Variants in IQCH observed in about 807,000 individuals in gnomAD.
IQCH encodes the protein IQ domain-containing protein H.
In IQCH, 98 loss-of-function variants were observed where a neutral mutation model predicts 117.0. The ratio of observed to expected loss-of-function variants is 0.84; its 90% CI spans 0.71 to 0.99. The LOEUF (loss-of-function observed/expected upper bound fraction) is 0.99. Ranked by LOEUF, IQCH falls within the 50% of genes least tolerant of loss-of-function variation. The probability of loss-of-function intolerance (pLI) is 0.00; values close to 1 mark genes in which losing one functional copy is unlikely to be tolerated. For synonymous variants in IQCH, 412 were observed against 448.2 expected, an observed-to-expected ratio of 0.92 and a Z score of 1.02; for missense variants, 1,102 against 1,243.8, an observed-to-expected ratio of 0.89 and a Z score of 1.72.
intron 17 of IQCH, among the ~76,000 whole-genome samples, chr15:67,468,020 T>C (rs1279701988): frequency 6.6e-6 from 1 of 152,154 alleles, no homozygotes; most frequent in Non-Finnish European, 1.5e-5. Flanking sequence ...TTCACTGACC[T>C]CCACAAAGAA....
intron 4 of IQCH, among the ~76,000 whole-genome samples, chr15:67,280,539 A>G (rs1966310476): frequency 6.6e-6 from 1 of 152,204 alleles, no homozygotes; most frequent in Non-Finnish European, 1.5e-5. Flanking sequence ...AGAGACAGAG[A>G]GAAAACCAGC....
chr15:67,322,632 T>C (rs1968191553), intron 4 of IQCH, among the ~76,000 whole-genome samples: 1 of 152,160 alleles, frequency 6.6e-6, no homozygotes, highest in Non-Finnish European at 1.5e-5. Context: ...TCAGCCCGCC[T>C]AGGTTACATA....
At position 67,475,746 on chromosome 15, in the gene IQCH, C is replaced by G. The variant is rs142631355; in HGVS notation, c.2727C>G (p.Ser909Arg). The G allele has an allele frequency of 6.2e-5, 100 of 1,614,056 alleles. 1 individual carries two copies. In the African/African-American group the frequency reaches 1.2e-3, roughly 20 times the overall value. Residue 909 changes from serine to arginine, a missense_variant, in exon 18 of 21, where the codon AGC becomes AGG. Ser to Arg is a moderately radical substitution (Grantham distance 110). This residue lies in a region of IQCH where 650 missense variants were observed against 794.3 expected (regional missense o/e 0.82). Transcript: ENST00000335894. This position sits in a 1 kb window ranked among gnomAD's most constrained non-coding sequence, Gnocchi z 5.7. ...TGATGACCACCCAGCTAAGACACAG[C>G]AATCTCTCACTGGTTTTCCACTATG... is the stretch of plus-strand genomic sequence containing the variant. ...YAVMTTQLRHSNLSLVFHYVF... is the reference protein window; with the variant it reads ...YAVMTTQLRHRNLSLVFHYVF...
chr15:67,474,335 C>T lies in IQCH; in HGVS notation c.2677-1361C>T, dbSNP rs1453806424. 6.6e-6 allele frequency among the ~76,000 whole-genome samples: 1 copy of T among 152,098 alleles called. No individual in the cohort carries two copies. The highest frequency in any genetic ancestry group is 2.4e-5 in the African/African-American group (1 of 41,422). ...AGTCTGGGTACCTAGTTGCCCAGCACCTGTGCGTCACCACAGTTCAAGAGC... is the reference window on the plus strand; with the variant it reads ...AGTCTGGGTACCTAGTTGCCCAGCATCTGTGCGTCACCACAGTTCAAGAGC... On this transcript the variant is annotated intron_variant, in intron 17 of 20. Coordinates refer to ENST00000335894, the MANE Select transcript of IQCH (RefSeq NM_001031715.3). The surrounding 1 kb of genome is among the most constrained non-coding windows in gnomAD (Gnocchi z 4.1).
At chr15:67,402,870 G>C (rs1971721047) in intron 14 of IQCH, among the ~76,000 whole-genome samples, 1 of 152,212 alleles carries the variant, frequency 6.6e-6, no homozygotes, top group Non-Finnish European at 1.5e-5. Flanking sequence ...ATGGGAGCTT[G>C]AACTCTTGAG....
intron 4 of IQCH, among the ~76,000 whole-genome samples, chr15:67,329,243 G>A (rs1968550528): frequency 6.6e-6 from 1 of 150,848 alleles, no homozygotes. Flanking sequence ...AGGCTGTAGT[G>A]AGCTGTGATT....
Position 67,500,719 on chromosome 15 carries a change from TA to T in IQCH, c.3062del (p.Asn1021ThrfsTer31). 6.3e-7 allele frequency: 1 copy of T among 1,593,596 alleles called. No individual in the cohort carries two copies. Among genetic ancestry groups the T allele is most frequent in the South Asian group, 1.1e-5 (1 of 89,756 alleles). ...AAGAGGAGCAACAGTCCAAAGATGA[TA>T]AAAACCTCTCTAAACCCAAGAAATG... is the stretch of plus-strand genomic sequence containing the variant. Reference protein sequence around the residue: ...FEEEQQSKDDKNLSKPKK With the variant: ...FEEEQQSKDDXNLSKPKK On this transcript the variant is annotated frameshift_variant, in exon 21 of 21. Coordinates refer to ENST00000335894, the MANE Select transcript of IQCH (RefSeq NM_001031715.3). LOFTEE classifies it low-confidence loss of function (END_TRUNC). The surrounding 1 kb of genome is among the most constrained non-coding windows in gnomAD (Gnocchi z 4.4).
chr15:67,471,066 A>G (rs1255256363), intron 17 of IQCH, among the ~76,000 whole-genome samples: 2 of 152,064 alleles, frequency 1.3e-5, no homozygotes, highest in Non-Finnish European at 2.9e-5. Context: ...GCAACATGTT[A>G]TTTCATTGCA....
rs1035804772 is a variant in IQCH at position 67,426,982 on chromosome 15, CAAA to C, written c.2505+5415_2505+5417del. ...GCCTGGGCAACAGAGACCCAGTATC[CAAA>C]AAAAAAAAAGAAGAAGAAAATCCCA... On this transcript the variant is annotated intron_variant, in intron 16 of 20. Coordinates refer to ENST00000335894, the MANE Select transcript of IQCH (RefSeq NM_001031715.3). This position sits in a 1 kb window ranked among gnomAD's most constrained non-coding sequence, Gnocchi z 5.1. Among the ~76,000 whole-genome samples, 2 of 126,454 alleles carry C rather than the reference CAAA, an allele frequency of 1.6e-5. No individual in the cohort carries two copies. 83.0% of individuals were successfully genotyped at this position (126,454 alleles called of 152,430 possible).
chr15:67,310,432 C>A (rs1415300500), intron 4 of IQCH, among the ~76,000 whole-genome samples: 2 of 151,658 alleles, frequency 1.3e-5, no homozygotes, highest in Non-Finnish European at 2.9e-5. Flanking sequence ...AATAATCATA[C>A]AAATAAATAA....
chr15:67,443,850 T>C lies in IQCH; in HGVS notation c.2506-21277T>C, dbSNP rs2082335075. Among the ~76,000 whole-genome samples, 2 of 152,246 alleles carry C rather than the reference T, an allele frequency of 1.3e-5. No homozygotes were observed. The highest frequency in any genetic ancestry group is 2.9e-5 in the Non-Finnish European group (2 of 68,042). On this transcript the variant is annotated intron_variant, in intron 16 of 20. Transcript: ENST00000335894. This position sits in a 1 kb window ranked among gnomAD's most constrained non-coding sequence, Gnocchi z 5.0. ...ATCATGTGCCAAGCACTCTGTTATG[T>C]ATTTTACATGTAGTAACCCTAATCT...
At position 67,365,138 on chromosome 15, in the gene IQCH, G is replaced by A. The variant is rs1970286589; in HGVS notation, c.753+5253G>A. Among the ~76,000 whole-genome samples the A allele has an allele frequency of 6.6e-6, 1 of 152,116 alleles. No individual in the cohort carries two copies. Among genetic ancestry groups the A allele is most frequent in the Non-Finnish European group, 1.5e-5 (1 of 68,022 alleles). On this transcript the variant is annotated intron_variant, in intron 8 of 20. Coordinates refer to ENST00000335894, the MANE Select transcript of IQCH (RefSeq NM_001031715.3). The surrounding 1 kb of genome is among the most constrained non-coding windows in gnomAD (Gnocchi z 4.4). The stretch of plus-strand genomic sequence containing the variant: ...TCTGGCATTTCTTTGTCGAGATGGG[G>A]TTTTACCATGTTGCCCAGGCTGGTC...
At chr15:67,415,159 A>AT (rs1307554640) in intron 14 of IQCH, among the ~76,000 whole-genome samples, 31 of 152,294 alleles carry the variant, frequency 2.0e-4, no homozygotes, top group Admixed American at 2.0e-3. Flanking sequence ...TGCATTTCAC[A>AT]TGCTTGTTTA....
rs1047934565 is a variant in IQCH at position 67,277,319 on chromosome 15, T to C, written c.270-2076T>C. On this transcript the variant is annotated intron_variant, in intron 3 of 20. Coordinates refer to ENST00000335894, the MANE Select transcript of IQCH (RefSeq NM_001031715.3). ...GGCATAGCTGAATCTGGTTCTGATATTCGCTTTGTCTCTTCAGACTGTTTT... is the reference window on the plus strand; with the variant it reads ...GGCATAGCTGAATCTGGTTCTGATACTCGCTTTGTCTCTTCAGACTGTTTT... Among the ~76,000 whole-genome samples the C allele has an allele frequency of 6.6e-5, 10 of 152,194 alleles. 1 individual carries two copies. The highest frequency in any genetic ancestry group is 2.4e-4 in the African/African-American group (10 of 41,450).
intron 10 of IQCH, among the ~76,000 whole-genome samples, chr15:67,380,072 G>A (rs745904971): frequency 2.0e-5 from 3 of 152,080 alleles, no homozygotes; most frequent in Non-Finnish European, 2.9e-5. Flanking sequence ...GGCTGGTCTC[G>A]AACTCCCAAC....
rs1472675610 is a variant in IQCH at position 67,496,703 on chromosome 15, G to T, written c.2970+2337G>T. On this transcript the variant is annotated intron_variant, in intron 20 of 20. Transcript: ENST00000335894. The surrounding 1 kb of genome is among the most constrained non-coding windows in gnomAD (Gnocchi z 4.4). ...CTACTAAGAAGAAGAAGAAGGAGAA[G>T]GAGAAAAGAAGAAGAAATAAAAGTA... Among the ~76,000 whole-genome samples the T allele has an allele frequency of 1.3e-5, 2 of 151,932 alleles. No individual in the cohort carries two copies. Among genetic ancestry groups the T allele is most frequent in the Non-Finnish European group, 2.9e-5 (2 of 67,980 alleles).
At chr15:67,343,200 A>G (rs1409471992) in intron 5 of IQCH, among the ~76,000 whole-genome samples, 2 of 152,196 alleles carry the variant, frequency 1.3e-5, no homozygotes, top group African/African-American at 4.8e-5. Flanking sequence ...GCCAACTTGA[A>G]TACACAGTTT....
At chr15:67,428,278 TATG>T in intron 16 of IQCH, among the ~76,000 whole-genome samples, 1 of 152,290 alleles carries the variant, frequency 6.6e-6, no homozygotes, top group East Asian at 1.9e-4. Context: ...ATATATGCAA[TATG>T]ATAATTTTAT....
Position 67,474,257 on chromosome 15 carries a change from G to T in IQCH, c.2677-1439G>T, listed in dbSNP as rs1200768561. 6.6e-6 allele frequency among the ~76,000 whole-genome samples: 1 copy of T among 152,146 alleles called. No individual in the cohort carries two copies. The highest frequency in any genetic ancestry group is 1.5e-5 in the Non-Finnish European group (1 of 68,026). On this transcript the variant is annotated intron_variant, in intron 17 of 20. Transcript: ENST00000335894. This position sits in a 1 kb window ranked among gnomAD's most constrained non-coding sequence, Gnocchi z 4.1. ...AGGTCACTACGATTCCTTACGGCCA[G>T]CTCCAGACCAGCAGCACCTCCTTTG...
Sources: gnomAD v4.1 joint callset for allele counts (sites outside exome capture counted in the v4.1 genomes callset) on GRCh38, gnomAD v4.1.1 for gene constraint, gnomAD v4.1.1 regional missense constraint, Gnocchi (gnomAD v3.1) non-coding constraint, MANE v1.5 for transcripts, NCBI Gene and HGNC (gene_info 2026-07-23, HGNC 2026-07-21) for gene names.